POU2AF2: variants seen among roughly 807,000 people sequenced by gnomAD.
POU2AF2 encodes the protein POU class 2 homeobox associating factor 2, also known as POU domain class 2-associating factor 2.
the POU2AF2 span, among the ~76,000 whole-genome samples, chr11:111,255,598 CA>C: frequency 4.7e-4 from 71 of 152,338 alleles, 1 homozygote; most frequent in Admixed American, 1.8e-3. Context: ...TAACCTGAAT[CA>C]TACAAATCTA....
chr11:111,263,281 A>G, the POU2AF2 span, among the ~76,000 whole-genome samples: 3 of 152,142 alleles, frequency 2.0e-5, no homozygotes, highest in South Asian at 2.1e-4. Flanking sequence ...TTCTTTAAAT[A>G]TTTAAATCCT....
the POU2AF2 span, among the ~76,000 whole-genome samples, chr11:111,246,671 A>C: frequency 0.034 from 5,181 of 152,282 alleles, 282 homozygotes; most frequent in African/African-American, 0.12. Flanking sequence ...ATTGGTTATT[A>C]GCTGTGACAA....
the POU2AF2 span, chr11:111,284,000 A>G: frequency 7.4e-7 from 1 of 1,355,378 alleles, no homozygotes; most frequent in South Asian, 1.3e-5. Flanking sequence ...TTTCCCAGGC[A>G]GAGACTCAGC....
At chr11:111,270,361 C>A in the POU2AF2 span, among the ~76,000 whole-genome samples, 1 of 152,200 alleles carries the variant, frequency 6.6e-6, no homozygotes, top group Non-Finnish European at 1.5e-5. Context: ...TACCCCTACA[C>A]ATTTGAAAGC....
chr11:111,260,922 T>A, the POU2AF2 span, among the ~76,000 whole-genome samples: 1 of 152,234 alleles, frequency 6.6e-6, no homozygotes, highest in African/African-American at 2.4e-5. Flanking sequence ...ACGACACTGA[T>A]AAATTTACAC....
At chr11:111,255,916 C>T in the POU2AF2 span, 2 of 398,612 alleles carry the variant, frequency 5.0e-6, no homozygotes, top group Non-Finnish European at 8.9e-6. Context: ...GCCCCCTAAA[C>T]ATGTCCTTTG....
At chr11:111,282,678 C>T in the POU2AF2 span, among the ~76,000 whole-genome samples, 1 of 152,202 alleles carries the variant, frequency 6.6e-6, no homozygotes, top group African/African-American at 2.4e-5. Context: ...GTGGAACGGG[C>T]TGGAATTCTG....
the POU2AF2 span, among the ~76,000 whole-genome samples, chr11:111,274,205 A>G: frequency 1.1e-3 from 165 of 152,306 alleles, no homozygotes; most frequent in African/African-American, 3.7e-3. Context: ...AAATCTTACC[A>G]GTGGCACCCT....
chr11:111,278,462 G>A, the POU2AF2 span, among the ~76,000 whole-genome samples: 5 of 152,342 alleles, frequency 3.3e-5, no homozygotes, highest in South Asian at 2.1e-4. Context: ...TGGAGAAGGG[G>A]CCTTTGGGAG....
the POU2AF2 span, among the ~76,000 whole-genome samples, chr11:111,250,250 T>C: frequency 6.6e-6 from 1 of 152,266 alleles, no homozygotes; most frequent in East Asian, 1.9e-4. Context: ...ATTTCCAGTA[T>C]TTCTGGCTAG....
the POU2AF2 span, among the ~76,000 whole-genome samples, chr11:111,249,973 C>T: frequency 0.2 from 30,189 of 152,124 alleles, 3,776 homozygotes; most frequent in Non-Finnish European, 0.29. Context: ...GCTTCAATTA[C>T]CATAATTCTA....
chr11:111,260,301 C>T, the POU2AF2 span, among the ~76,000 whole-genome samples: 9 of 152,110 alleles, frequency 5.9e-5, no homozygotes, highest in African/African-American at 2.2e-4. Context: ...AGAGGCCCTA[C>T]CATGTGGTTT....
chr11:111,269,151 G>T, the POU2AF2 span, among the ~76,000 whole-genome samples: 1 of 151,818 alleles, frequency 6.6e-6, no homozygotes, highest in Admixed American at 6.6e-5. Context: ...TTTGCATATT[G>T]CTTGTTAACA....
chr11:111,252,993 T>A, the POU2AF2 span, among the ~76,000 whole-genome samples: 1 of 152,200 alleles, frequency 6.6e-6, no homozygotes, highest in Non-Finnish European at 1.5e-5. Context: ...AAGTAAGAGA[T>A]GTTTTTCTGT....
At chr11:111,280,982 G>A in the POU2AF2 span, among the ~76,000 whole-genome samples, 1 of 152,166 alleles carries the variant, frequency 6.6e-6, no homozygotes, top group African/African-American at 2.4e-5. Context: ...AGGACATGAT[G>A]GCAATCAGGT....
the POU2AF2 span, among the ~76,000 whole-genome samples, chr11:111,263,460 T>C: frequency 7.8e-6 from 1 of 127,760 alleles, no homozygotes; most frequent in Non-Finnish European, 1.6e-5. Context: ...TGAGACGGAG[T>C]CTTACTCTGT....
At chr11:111,271,228 C>T in the POU2AF2 span, among the ~76,000 whole-genome samples, 2 of 151,930 alleles carry the variant, frequency 1.3e-5, no homozygotes, top group East Asian at 3.9e-4. Context: ...GAGGCTAAGG[C>T]AGGAGAATCG....
the POU2AF2 span, among the ~76,000 whole-genome samples, chr11:111,268,334 AT>A: frequency 6.6e-6 from 1 of 152,056 alleles, no homozygotes; most frequent in East Asian, 1.9e-4. Context: ...CATAAAAATT[AT>A]TTTTCACCTC....
chr11:111,258,611 T>C, the POU2AF2 span, among the ~76,000 whole-genome samples: 3 of 152,230 alleles, frequency 2.0e-5, no homozygotes, highest in Admixed American at 2.0e-4. Context: ...TTTTCTTTAT[T>C]TTTTGGTGAG....
Sources: allele counts gnomAD v4.1 joint callset (sites outside exome capture counted in the v4.1 genomes callset), GRCh38; gene constraint gnomAD v4.1.1; transcripts MANE v1.5; gene names NCBI Gene and HGNC (gene_info 2026-07-23, HGNC 2026-07-21).